The following BARD1 variants were observed in gnomAD, a reference collection of about 807,000 sequenced individuals.
The protein encoded by BARD1 is BRCA1-associated RING domain protein 1.
A neutral mutation model predicts 77.0 loss-of-function variants in BARD1; 73 were observed. The observed-to-expected ratio is 0.95, with a 90% CI of 0.79 to 1.15. The LOEUF is 1.15. Among genes scored for constraint, BARD1 ranks in the 50% most tolerant of loss-of-function variants. The pLI, the probability that BARD1 is intolerant of heterozygous loss-of-function variation, is 0.00. For synonymous variants in BARD1, 384 were observed against 338.0 expected, an observed-to-expected ratio of 1.14 and a Z score of -1.49; for missense variants, 993 against 938.8, an observed-to-expected ratio of 1.06 and a Z score of -0.75.
chr2:214,767,722 T>C lies in BARD1; in HGVS notation c.1396-68A>G, dbSNP rs1292466735. 14 of 1,409,408 alleles carry C rather than the reference T, an allele frequency of 9.9e-6. No individual in the cohort carries two copies. The Admixed American group carries it at 1.1e-4, about 11-fold the overall frequency. 87.3% of individuals were successfully genotyped at this position (1,409,408 alleles called of 1,614,324 possible). A position where few individuals can be genotyped will look rare whatever the true frequency, so the allele number is the denominator to read the frequency against. On this transcript the variant is annotated intron_variant, in intron 5 of 10. Coordinates refer to ENST00000260947, the MANE Select transcript of BARD1 (RefSeq NM_000465.4). Reference sequence around the variant, plus strand: ...AAGAGCAATGGATGATATTATAATATCACACTTTAGAAAAATAAATGTAAA... The same window carrying C: ...AAGAGCAATGGATGATATTATAATACCACACTTTAGAAAAATAAATGTAAA...
chr2:214,781,226 T>C lies in BARD1; in HGVS notation c.648A>G (p.Gln216=), dbSNP rs954825746. Residue 216 remains glutamine (Q), a synonymous_variant, in exon 4 of 11, where the codon CAA becomes CAG. Transcript: ENST00000260947. ...QKKKTLAEIN[Q]KWNLEAEKED... ...CTTTTTCTGCCTCTAAATTCCATTT[T>C]TGGTTGATTTCAGCTAAAGTTTTCT... 1.3e-6 allele frequency: 2 copies of C among 1,594,836 alleles called. No homozygotes were observed. The highest frequency in any genetic ancestry group is 1.7e-6 in the Non-Finnish European group (2 of 1,175,430).
At chr2:214,744,556 G>C (rs182372189) in intron 9 of BARD1, among the ~76,000 whole-genome samples, 1 of 152,220 alleles carries the variant, frequency 6.6e-6, no homozygotes, top group Non-Finnish European at 1.5e-5. Flanking sequence ...TAGGAAAAAA[G>C]ACTTTAAAAC....
chr2:214,809,675 C>A lies in BARD1; in HGVS notation c.-106G>T. ...GCGACTCGAAACCGGCCAAGCTCTT[C>A]CCGCGTCTGGGACGGCGGGCCGCCA... On this transcript the variant is annotated 5_prime_UTR_variant, in exon 1 of 11. Transcript: ENST00000260947. The A allele has an allele frequency of 1.4e-6, 2 of 1,443,460 alleles. No individual in the cohort carries two copies. Among genetic ancestry groups the A allele is most frequent in the Non-Finnish European group, 1.9e-6 (2 of 1,071,564 alleles). 89.4% of individuals were successfully genotyped at this position (1,443,460 alleles called of 1,614,324 possible).
In BARD1 at chr2:214,729,019, G is replaced by A. The variant is rs187240320; in HGVS notation, c.2002-11C>T. On this transcript the variant is annotated splice_polypyrimidine_tract_variant and intron_variant, in intron 10 of 10. Transcript: ENST00000260947. ...AAACAGCTTTGGCAACTGAAATAAT[G>A]AGAAAACATTTGTTAAAGGCAGATC... 9.1e-5 allele frequency: 146 copies of A among 1,613,122 alleles called. 1 individual carries two copies. The East Asian group carries it at 1.2e-3, about 13-fold the overall frequency.
At chr2:214,774,714 T>A (rs543751955) in intron 4 of BARD1, among the ~76,000 whole-genome samples, 117 of 152,366 alleles carry the variant, frequency 7.7e-4, no homozygotes, top group Non-Finnish European at 1.3e-3. Context: ...TTTCTAGCTA[T>A]GAAAGACACA....
intron 3 of BARD1, 144 bp downstream of exon 3, chr2:214,792,153 A>T: frequency 1.2e-6 from 1 of 826,828 alleles, no homozygotes; most frequent in Non-Finnish European, 1.7e-6. Context: ...GGCTATTTAA[A>T]AAAAAAAAAA....
Position 214,728,225 on chromosome 2 carries a change from C to T in BARD1, c.*451G>A. 1 of 221,132 alleles carries T rather than the reference C, an allele frequency of 4.5e-6. No individual in the cohort carries two copies. Among genetic ancestry groups the T allele is most frequent in the Non-Finnish European group, 8.8e-6 (1 of 113,866 alleles). 13.7% of individuals were successfully genotyped at this position (221,132 alleles called of 1,614,324 possible). A position where few individuals can be genotyped will look rare whatever the true frequency, so the allele number is the denominator to read the frequency against. On this transcript the variant is annotated 3_prime_UTR_variant, in exon 11 of 11. Coordinates refer to ENST00000260947, the MANE Select transcript of BARD1 (RefSeq NM_000465.4). ...AACACCTATGGTGGCACATTTAGAC[C>T]AAATACTCTTTTTTCAATAAAGCCA...
chr2:214,775,185 G>C (rs2106095647), intron 4 of BARD1, among the ~76,000 whole-genome samples: 1 of 152,270 alleles, frequency 6.6e-6, no homozygotes, highest in East Asian at 1.9e-4. Context: ...TGTTTGGCAA[G>C]AGACCTAGCT....
intron 6 of BARD1, among the ~76,000 whole-genome samples, chr2:214,753,062 A>C (rs888980214): frequency 6.6e-6 from 1 of 152,334 alleles, no homozygotes; most frequent in Middle Eastern, 3.4e-3. Context: ...ACAATAACCT[A>C]TAATAATCAC....
intron 3 of BARD1, among the ~76,000 whole-genome samples, chr2:214,786,008 T>A (rs528007084): frequency 6.6e-6 from 1 of 152,026 alleles, no homozygotes; most frequent in African/African-American, 2.4e-5. Context: ...TTCATTCAAA[T>A]CGAAAAGAAC....
chr2:214,728,976 A>G lies in BARD1; in HGVS notation c.2034T>C (p.Tyr678=), dbSNP rs1057523192. 2 of 1,614,194 alleles carry G rather than the reference A, an allele frequency of 1.2e-6. No homozygotes were observed. The highest frequency in any genetic ancestry group is 1.7e-6 in the Non-Finnish European group (2 of 1,180,030). Residue 678 remains tyrosine, a synonymous_variant, in exon 11 of 11, where the codon TAT becomes TAC. Coordinates refer to ENST00000260947, the MANE Select transcript of BARD1 (RefSeq NM_000465.4). ...LPKLFDGCYF[Y]LWGTFKHHPK... ...GATGGTGTTTGAAGGTTCCCCACAA[A>G]TAGAAGTAGCATCCATCAAACAGCT... is the stretch of plus-strand genomic sequence containing the variant.
chr2:214,752,577 T>G, intron 6 of BARD1, 22 bp from the exon 7 acceptor site: 1 of 1,573,536 alleles, frequency 6.4e-7, no homozygotes, highest in Non-Finnish European at 8.7e-7. Context: ...AGTGCAGATG[T>G]GTTTAAGTAA....
intron 6 of BARD1, among the ~76,000 whole-genome samples, chr2:214,763,901 A>G (rs1484499936): frequency 1.3e-5 from 2 of 152,172 alleles, no homozygotes; most frequent in South Asian, 2.1e-4. Context: ...AATTTCATCT[A>G]TTCTCACCTG....
chr2:214,744,864 CTT>C (rs1356568028), intron 9 of BARD1, among the ~76,000 whole-genome samples: 4 of 151,928 alleles, frequency 2.6e-5, no homozygotes, highest in Admixed American at 6.5e-5. Context: ...ATCTCCTGGC[CTT>C]GTGATCCGCC....
At chr2:214,737,350 G>T (rs10183009) in intron 9 of BARD1, among the ~76,000 whole-genome samples, 27,780 of 152,032 alleles carry the variant, frequency 0.18, 2,695 homozygotes, top group Non-Finnish European at 0.22. Context: ...GGAAACTTAA[G>T]TCCCAAGAGA....
intron 3 of BARD1, among the ~76,000 whole-genome samples, chr2:214,791,641 T>C (rs1170801854): frequency 2.6e-5 from 4 of 152,134 alleles, no homozygotes; most frequent in African/African-American, 4.8e-5. Flanking sequence ...CCCACTTAAA[T>C]AGAAAAGAAA....
At chr2:214,778,711 G>T (rs936872245) in intron 4 of BARD1, among the ~76,000 whole-genome samples, 6 of 152,176 alleles carry the variant, frequency 3.9e-5, no homozygotes, top group African/African-American at 1.4e-4. Flanking sequence ...TAAGAAGGCA[G>T]AGCTGAACCG....
intron 7 of BARD1, among the ~76,000 whole-genome samples, chr2:214,750,700 T>G (rs1009830730): frequency 6.6e-6 from 1 of 152,216 alleles, no homozygotes; most frequent in South Asian, 2.1e-4. Flanking sequence ...TTTCTGACAA[T>G]AAGACACAGG....
intron 1 of BARD1, among the ~76,000 whole-genome samples, chr2:214,804,450 A>C (rs182855519): frequency 6.6e-6 from 1 of 152,344 alleles, no homozygotes; most frequent in East Asian, 1.9e-4. Flanking sequence ...ACATCACTCA[A>C]AATATTCCAT....
Sources: gnomAD v4.1 joint callset for allele counts (sites outside exome capture counted in the v4.1 genomes callset) on GRCh38, gnomAD v4.1.1 for gene constraint, MANE v1.5 for transcripts, NCBI Gene and HGNC (gene_info 2026-07-23, HGNC 2026-07-21) for gene names.